VAV3: variants seen among roughly 807,000 people sequenced by gnomAD.
VAV3 encodes vav guanine nucleotide exchange factor 3.
In VAV3, 94 loss-of-function variants were observed where a neutral mutation model predicts 131.2. The observed-to-expected ratio is 0.72, with a 90% CI of 0.61 to 0.85. The LOEUF (loss-of-function observed/expected upper bound fraction) is 0.85, where lower values mean the gene tolerates loss of function less well. VAV3 is among the 40% of genes least tolerant of loss of function. VAV3 has a pLI of 0.00. For missense variants in VAV3, 939 were observed against 1,002.7 expected, an observed-to-expected ratio of 0.94 and a Z score of 0.86; for synonymous variants, 349 against 342.0, an observed-to-expected ratio of 1.02 and a Z score of -0.22.
chr1:107,683,881 G>A (rs1299931550), intron 18 of VAV3, among the ~76,000 whole-genome samples: 4 of 152,138 alleles, frequency 2.6e-5, no homozygotes, highest in Non-Finnish European at 5.9e-5. Flanking sequence ...TATGTTCCCA[G>A]CCAAGACATA....
At chr1:107,815,711 G>A (rs920252303) in intron 2 of VAV3, among the ~76,000 whole-genome samples, 4 of 152,010 alleles carry the variant, frequency 2.6e-5, no homozygotes, top group Non-Finnish European at 5.9e-5. Context: ...CAATAATTAC[G>A]GCACTATTTG....
Position 107,768,484 on chromosome 1 carries a change from A to G in VAV3, c.674T>C (p.Phe225Ser). 6.2e-7 allele frequency: 1 copy of G among 1,612,754 alleles called. No individual in the cohort carries two copies. Among genetic ancestry groups the G allele is most frequent in the Non-Finnish European group, 8.5e-7 (1 of 1,179,336 alleles). ...TGAATCAAATTCTGCTGCTGTCAGA[A>G]ATCTTTTTAGTGGTGCCATGAAATA... The part of the protein sequence containing the change: ...EKYFMAPLKR[F>S]LTAAEFDSVF... The change falls in exon 7 of 27, where the codon TTT (phenylalanine) becomes TCT (serine). Residue 225 changes from phenylalanine to serine, a missense_variant. Transcript: ENST00000370056.
chr1:107,598,603 C>A (rs966545280), intron 24 of VAV3, among the ~76,000 whole-genome samples: 8 of 151,880 alleles, frequency 5.3e-5, no homozygotes, highest in Non-Finnish European at 1.2e-4. Context: ...CCTTTAAAAG[C>A]AAAGAGAAAA....
rs1672793512 is a variant in VAV3 at position 107,919,621 on chromosome 1, T to C, written c.205-44604A>G. 2.0e-5 allele frequency among the ~76,000 whole-genome samples: 3 copies of C among 152,288 alleles called. No individual in the cohort carries two copies. The Middle Eastern group carries it at 0.01, about 518-fold the overall frequency. On this transcript the variant is annotated intron_variant, in intron 1 of 26. Transcript: ENST00000370056. ...GTAGGAGGATAGAGAGGGGAATATA[T>C]ATATTATGCATAATTTCCTCTAAGT...
chr1:107,578,979 T>G, intron 25 of VAV3: 2 of 888,542 alleles, frequency 2.3e-6, no homozygotes, highest in South Asian at 5.2e-5. Flanking sequence ...TAAGATAACC[T>G]ATCTGTAATC....
intron 2 of VAV3, among the ~76,000 whole-genome samples, chr1:107,824,228 A>G (rs1389204138): frequency 6.6e-6 from 1 of 152,230 alleles, no homozygotes. Context: ...AATAGACTGA[A>G]AAACAAAAGA....
rs1468017000 is a variant in VAV3 at position 107,574,100 on chromosome 1, T to A, written c.2449A>T (p.Ile817Phe). The change falls in exon 26 of 27, where the codon ATT becomes TTT. Residue 817 changes from isoleucine (I) to phenylalanine (F), a missense_variant. By Grantham distance (21) the Ile-to-Phe change is conservative (BLOSUM62 0). Coordinates refer to ENST00000370056, the MANE Select transcript of VAV3 (RefSeq NM_006113.5). ...LSLLKGDVVK[I>F]YTKMSANGWW... The stretch of plus-strand genomic sequence containing the variant: ...CCATTTGCACTCATCTTTGTGTAAA[T>A]CTTCACCACATCTCCTTTCAACAAG... The A allele has an allele frequency of 1.2e-6, 2 of 1,614,034 alleles. No homozygotes were observed. The highest frequency in any genetic ancestry group is 1.7e-5 in the Admixed American group (1 of 59,992).
intron 22 of VAV3, 37 bp downstream of exon 22, chr1:107,609,894 A>G: frequency 6.2e-7 from 1 of 1,605,000 alleles, no homozygotes; most frequent in Non-Finnish European, 8.5e-7. Context: ...AGGGTATGGT[A>G]TTTCAACCTA....
intron 24 of VAV3, 30 bp downstream of exon 24, chr1:107,602,367 C>T (rs780201846): frequency 7.0e-7 from 1 of 1,437,200 alleles, no homozygotes; most frequent in South Asian, 1.3e-5. Flanking sequence ...AATAAGGATC[C>T]CAGATTGAAA....
chr1:107,727,425 C>T (rs1661915186), intron 15 of VAV3, among the ~76,000 whole-genome samples: 1 of 152,144 alleles, frequency 6.6e-6, no homozygotes. Flanking sequence ...TTTAACTTTC[C>T]TCTAAATTAT....
chr1:107,777,413 A>G lies in VAV3; in HGVS notation c.381-117T>C, dbSNP rs564997481. 18 of 884,370 alleles carry G rather than the reference A, an allele frequency of 2.0e-5. No homozygotes were observed. The African/African-American group carries it at 3.0e-4, about 15-fold the overall frequency. 54.8% of individuals were successfully genotyped at this position (884,370 alleles called of 1,614,324 possible). A position where few individuals can be genotyped will look rare whatever the true frequency, so the allele number is the denominator to read the frequency against. On this transcript the variant is annotated intron_variant, in intron 3 of 26. Transcript: ENST00000370056. Reference sequence around the variant, plus strand: ...TAAGTTGTCTGCTGCCAAAATGGTCAGATCAGTCACCATGTCTAACAATAT... The same window carrying G: ...TAAGTTGTCTGCTGCCAAAATGGTCGGATCAGTCACCATGTCTAACAATAT...
Position 107,689,624 on chromosome 1 carries a change from A to G in VAV3, c.1706-1218T>C, listed in dbSNP as rs569364825. ...AAAGCTAAGTCCTCATCCCTTTGTC[A>G]ATTTCAAACCCCATCACCTTGGCTT... On this transcript the variant is annotated intron_variant, in intron 17 of 26. Transcript: ENST00000370056. Among the ~76,000 whole-genome samples, 254 of 151,950 alleles carry G rather than the reference A, an allele frequency of 1.7e-3. 1 individual carries two copies. Among genetic ancestry groups the G allele is most frequent in the South Asian group, 1.0e-2 (48 of 4,820 alleles).
At chr1:107,653,989 T>G (rs138363543) in intron 19 of VAV3, among the ~76,000 whole-genome samples, 198 of 152,222 alleles carry the variant, frequency 1.3e-3, no homozygotes, top group African/African-American at 4.6e-3. Flanking sequence ...AAACACTACA[T>G]GCTAGCACAG....
At chr1:107,891,754 G>A (rs149244137) in intron 1 of VAV3, among the ~76,000 whole-genome samples, 24 of 149,690 alleles carry the variant, frequency 1.6e-4, no homozygotes, top group African/African-American at 5.7e-4. Flanking sequence ...CAGGAGAATC[G>A]CTTGAACCCG....
intron 8 of VAV3, 61 bp downstream of exon 8, chr1:107,766,386 A>C (rs1664734778): frequency 2.7e-6 from 3 of 1,127,540 alleles, no homozygotes; most frequent in Non-Finnish European, 3.9e-6. Flanking sequence ...TAGCTATTTT[A>C]ATACTAATCC....
At chr1:107,574,248 C>A in intron 25 of VAV3, 50 bp from the exon 26 acceptor site, 1 of 1,590,138 alleles carries the variant, frequency 6.3e-7, no homozygotes, top group South Asian at 1.1e-5. Context: ...TCGTTAACAA[C>A]CATAACAACC....
intron 25 of VAV3, among the ~76,000 whole-genome samples, chr1:107,589,080 G>A (rs1650733986): frequency 6.6e-6 from 1 of 152,054 alleles, no homozygotes; most frequent in African/African-American, 2.4e-5. Flanking sequence ...ATAATGTAAA[G>A]TCCTCTTATA....
intron 17 of VAV3, among the ~76,000 whole-genome samples, chr1:107,698,061 TAGAC>T (rs1454248166): frequency 2.0e-5 from 3 of 152,190 alleles, no homozygotes; most frequent in Non-Finnish European, 2.9e-5. Context: ...ACAAGAAACT[TAGAC>T]AGATTGCATA....
intron 1 of VAV3, among the ~76,000 whole-genome samples, chr1:107,905,866 C>CA (rs1672081041): frequency 6.6e-6 from 1 of 151,858 alleles, no homozygotes; most frequent in Non-Finnish European, 1.5e-5. Context: ...ATGTAATAAT[C>CA]AAAAAACTAA....
Sources: allele counts gnomAD v4.1 joint callset (sites outside exome capture counted in the v4.1 genomes callset), GRCh38; gene constraint gnomAD v4.1.1; transcripts MANE v1.5; gene names NCBI Gene and HGNC (gene_info 2026-07-23, HGNC 2026-07-21).